The following VWA3B variants were observed in gnomAD, a reference collection of about 807,000 sequenced individuals.
The protein encoded by VWA3B is von Willebrand factor A domain-containing protein 3B.
In VWA3B, 138 loss-of-function variants were observed where a neutral mutation model predicts 158.3. The ratio of observed to expected loss-of-function variants is 0.87; its 90% CI spans 0.76 to 1.00. The LOEUF (loss-of-function observed/expected upper bound fraction) is 1.00, where lower values mean the gene tolerates loss of function less well. VWA3B is among the 50% of genes least tolerant of loss of function. The pLI is 0.00. For missense variants in VWA3B, 1,555 were observed against 1,565.1 expected (o/e 0.99, Z 0.11); for synonymous variants, 596 against 587.3 (o/e 1.01, Z -0.21).
chr2:98,141,893 GGT>G (rs1676802282), intron 7 of VWA3B, among the ~76,000 whole-genome samples: 2 of 152,176 alleles, frequency 1.3e-5, no homozygotes, highest in Non-Finnish European at 2.9e-5. Flanking sequence ...TGGTTGTGTA[GGT>G]GACACTGCCT....
At chr2:98,088,731 A>C (rs1682045905) in intron 1 of VWA3B, among the ~76,000 whole-genome samples, 1 of 152,062 alleles carries the variant, frequency 6.6e-6, no homozygotes, top group South Asian at 2.1e-4. Flanking sequence ...TAAATAGCAT[A>C]GTTTTATCAG....
chr2:98,162,308 C>G (rs1417644921), intron 7 of VWA3B, among the ~76,000 whole-genome samples: 1 of 152,126 alleles, frequency 6.6e-6, no homozygotes, highest in Non-Finnish European at 1.5e-5. Flanking sequence ...TTAATGGTGC[C>G]ATGTCATTTT....
chr2:98,246,508 G>C (rs547008586), intron 19 of VWA3B, among the ~76,000 whole-genome samples: 1 of 152,204 alleles, frequency 6.6e-6, no homozygotes, highest in African/African-American at 2.4e-5. Flanking sequence ...CTCCCAGGCA[G>C]CTGGGATTAC....
In VWA3B at chr2:98,142,034, C is replaced by G. The variant is rs1676810643; in HGVS notation, c.988+8095C>G. ...ATTTTTTATTCCAGTCTCCTCTCCTCTGGTTGGGTGGGAAATAAAGCTCAG... is the reference window on the plus strand; with the variant it reads ...ATTTTTTATTCCAGTCTCCTCTCCTGTGGTTGGGTGGGAAATAAAGCTCAG... On this transcript the variant is annotated intron_variant, in intron 7 of 27. Transcript: ENST00000477737. 3.9e-5 allele frequency among the ~76,000 whole-genome samples: 6 copies of G among 152,148 alleles called. No homozygotes were observed. In the South Asian group the frequency reaches 1.2e-3, roughly 32 times the overall value.
chr2:98,256,219 T>C lies in VWA3B; in HGVS notation c.2843+45T>C, dbSNP rs746342768. 89 of 1,590,454 alleles carry C rather than the reference T, an allele frequency of 5.6e-5. 1 individual carries two copies. In the South Asian group the frequency reaches 9.4e-4, roughly 17 times the overall value. ...CCTCACTTTTTTTTTTTGGTGAAAT[T>C]CACGTAACCTAAAATTAACCATTTT... On this transcript the variant is annotated intron_variant, in intron 21 of 27. Transcript: ENST00000477737.
chr2:98,151,428 G>A (rs900603384), intron 7 of VWA3B, among the ~76,000 whole-genome samples: 5 of 152,158 alleles, frequency 3.3e-5, no homozygotes, highest in Admixed American at 6.5e-5. Context: ...TCGTATTGTG[G>A]TGAATGCATG....
At chr2:98,116,027 A>C (rs1488808221) in intron 3 of VWA3B, among the ~76,000 whole-genome samples, 1 of 152,230 alleles carries the variant, frequency 6.6e-6, no homozygotes, top group Non-Finnish European at 1.5e-5. Context: ...AGGAAAAAAA[A>C]ATATGACAGA....
At chr2:98,135,336 T>C (rs901211715) in intron 7 of VWA3B, among the ~76,000 whole-genome samples, 6 of 127,278 alleles carry the variant, frequency 4.7e-5, no homozygotes, top group Non-Finnish European at 6.7e-5. Context: ...TTTTTTTTTT[T>C]TTTTTTTTTT....
chr2:98,192,843 T>C, intron 10 of VWA3B, 55 bp from the exon 11 acceptor site: 3 of 1,612,996 alleles, frequency 1.9e-6, no homozygotes, highest in Non-Finnish European at 2.5e-6. Context: ...CTTGGGAAGA[T>C]GCTCTTGTTG....
chr2:98,160,878 G>C (rs1195456395), intron 7 of VWA3B, among the ~76,000 whole-genome samples: 2 of 152,202 alleles, frequency 1.3e-5, no homozygotes, highest in African/African-American at 4.8e-5. Flanking sequence ...TGCCCCTTTA[G>C]GAACATAGCT....
rs776064590 is a variant in VWA3B at position 98,192,865 on chromosome 2, T to C, written c.1467-33T>C. The C allele has an allele frequency of 2.5e-6, 4 of 1,614,114 alleles. No individual in the cohort carries two copies. The South Asian group carries it at 4.4e-5, about 18-fold the overall frequency. On this transcript the variant is annotated intron_variant, in intron 10 of 27. Coordinates refer to ENST00000477737, the MANE Select transcript of VWA3B (RefSeq NM_144992.5). ...AGATGCTCTTGTTGCCTGCAGGCTCTCACCATTCACTTTCAACCTACTTCC... is the reference window on the plus strand; with the variant it reads ...AGATGCTCTTGTTGCCTGCAGGCTCCCACCATTCACTTTCAACCTACTTCC...
Position 98,275,718 on chromosome 2 carries a change from AAGG to A in VWA3B, c.3045+4839_3045+4841del, listed in dbSNP as rs967636186. ...TCTTTCCACTGCTAAAGTTATTATC[AAGG>A]AGGTTTGGAAAGACATGCAGAATGA... On this transcript the variant is annotated intron_variant, in intron 22 of 27. Transcript: ENST00000477737. Among the ~76,000 whole-genome samples, 7 of 152,234 alleles carry A rather than the reference AAGG, an allele frequency of 4.6e-5. No individual in the cohort carries two copies. In the South Asian group the frequency reaches 6.2e-4, roughly 14 times the overall value.
At chr2:98,224,257 A>G (rs1163079867) in intron 14 of VWA3B, among the ~76,000 whole-genome samples, 1 of 152,174 alleles carries the variant, frequency 6.6e-6, no homozygotes, top group Non-Finnish European at 1.5e-5. Context: ...AAATAATTGG[A>G]GCACCAGAAA....
intron 1 of VWA3B, among the ~76,000 whole-genome samples, chr2:98,092,847 T>C (rs1377618898): frequency 6.9e-5 from 9 of 131,012 alleles, no homozygotes; most frequent in Admixed American, 1.5e-4. Flanking sequence ...TATATATATA[T>C]ATATATATAT....
At chr2:98,210,962 G>A (rs1011272574) in intron 12 of VWA3B, among the ~76,000 whole-genome samples, 15 of 152,228 alleles carry the variant, frequency 9.9e-5, no homozygotes, top group African/African-American at 3.1e-4. Flanking sequence ...GGTGGCAGTG[G>A]CAGTGAGCTC....
chr2:98,212,314 A>G lies in VWA3B; in HGVS notation c.1836+286A>G, dbSNP rs536301707. On this transcript the variant is annotated intron_variant, in intron 13 of 27. Coordinates refer to ENST00000477737, the MANE Select transcript of VWA3B (RefSeq NM_144992.5). ...AGGAGACGTCTGCTGTCCACTGAAGACTGGTTTGCATTTTATTACAAATGA... is the reference window on the plus strand; with the variant it reads ...AGGAGACGTCTGCTGTCCACTGAAGGCTGGTTTGCATTTTATTACAAATGA... 30 of 287,138 alleles carry G rather than the reference A, an allele frequency of 1.0e-4. No homozygotes were observed. The Admixed American group carries it at 1.3e-3, about 13-fold the overall frequency. 17.8% of individuals were successfully genotyped at this position (287,138 alleles called of 1,614,324 possible).
chr2:98,194,255 C>A, intron 11 of VWA3B, 106 bp from the exon 12 acceptor site: 1 of 1,189,114 alleles, frequency 8.4e-7, no homozygotes. Flanking sequence ...GCTTCTTGAA[C>A]TGAAAATAGA....
intron 19 of VWA3B, chr2:98,242,365 A>G: frequency 2.2e-6 from 1 of 453,706 alleles, no homozygotes; most frequent in Non-Finnish European, 4.4e-6. Flanking sequence ...CGATAATTTT[A>G]TCTTAGCTCT....
intron 10 of VWA3B, chr2:98,192,233 G>C (rs1681646953): frequency 6.6e-6 from 1 of 152,408 alleles, no homozygotes; most frequent in South Asian, 2.1e-4. Flanking sequence ...CCTTTCATGT[G>C]CGTCCGTGTG....
Sources: gnomAD v4.1 joint callset for allele counts (sites outside exome capture counted in the v4.1 genomes callset) on GRCh38, gnomAD v4.1.1 for gene constraint, MANE v1.5 for transcripts, NCBI Gene and HGNC (gene_info 2026-07-23, HGNC 2026-07-21) for gene names.